CNNM4: variants seen among roughly 807,000 people sequenced by gnomAD.
CNNM4 encodes metal transporter CNNM4.
CNNM4 carries 32 observed loss-of-function variants against 53.7 expected under a neutral mutation model. That is an observed-to-expected ratio of 0.60 (90% CI 0.45 to 0.80). The LOEUF (loss-of-function observed/expected upper bound fraction) is 0.80, where lower values mean the gene tolerates loss of function less well. Among genes scored for constraint, CNNM4 ranks in the 30% least tolerant of loss-of-function variants. CNNM4 has a pLI of 0.00. For missense variants in CNNM4, 784 were observed against 1,022.0 expected, an observed-to-expected ratio of 0.77 and a Z score of 3.17; for synonymous variants, 410 against 440.0, an observed-to-expected ratio of 0.93 and a Z score of 0.85.
At chr2:96,790,840 C>T (rs1156919356) in intron 1 of CNNM4, among the ~76,000 whole-genome samples, 3 of 151,650 alleles carry the variant, frequency 2.0e-5, no homozygotes, top group African/African-American at 7.3e-5. Context: ...AAAAATCCAG[C>T]TGGGCACAGT....
chr2:96,796,648 C>G (rs1269239911), intron 1 of CNNM4, among the ~76,000 whole-genome samples: 1 of 152,074 alleles, frequency 6.6e-6, no homozygotes, highest in East Asian at 1.9e-4. Context: ...GTGGTCTCAG[C>G]TACTCGGGAG....
chr2:96,807,383 G>A (rs2079218899), intron 5 of CNNM4, among the ~76,000 whole-genome samples: 1 of 152,060 alleles, frequency 6.6e-6, no homozygotes, highest in Non-Finnish European at 1.5e-5. Flanking sequence ...AGCACTTTGC[G>A]AGGTTGAGGC....
chr2:96,800,220 G>A lies in CNNM4; in HGVS notation c.1948+572G>A, dbSNP rs1483262102. Among the ~76,000 whole-genome samples, 3 of 151,986 alleles carry A rather than the reference G, an allele frequency of 2.0e-5. No individual in the cohort carries two copies. Among genetic ancestry groups the A allele is most frequent in the Non-Finnish European group, 2.9e-5 (2 of 67,972 alleles). On this transcript the variant is annotated intron_variant, in intron 5 of 6. Transcript: ENST00000377075. This position sits in a 1 kb window ranked among gnomAD's most constrained non-coding sequence, Gnocchi z 4.6. ...GGTCCGGGGATGCGCCACTCTGGCC[G>A]CCCCAGTGCCCTCTCCTGTGCTGAG...
intron 5 of CNNM4, among the ~76,000 whole-genome samples, 190 bp downstream of exon 5, chr2:96,799,838 T>C (rs1053675397): frequency 2.0e-5 from 3 of 152,020 alleles, no homozygotes; most frequent in Non-Finnish European, 4.4e-5. Flanking sequence ...GCTGCCACTT[T>C]GGATGGGGTC....
In CNNM4 at chr2:96,808,408, G is replaced by A. The variant is rs1181444586; in HGVS notation, c.1949-153G>A. ...CTTTAACGAAGTCAGACCTTATGCA[G>A]TCAGACCTTCTACATGCTTCTGTTT... On this transcript the variant is annotated intron_variant, in intron 5 of 6. Coordinates refer to ENST00000377075, the MANE Select transcript of CNNM4 (RefSeq NM_020184.4). The surrounding 1 kb of genome is among the most constrained non-coding windows in gnomAD (Gnocchi z 4.9). Among the ~76,000 whole-genome samples the A allele has an allele frequency of 1.3e-5, 2 of 152,210 alleles. No individual in the cohort carries two copies. The highest frequency in any genetic ancestry group is 2.9e-5 in the Non-Finnish European group (2 of 68,046).
At chr2:96,805,452 TA>T (rs1558997475) in intron 5 of CNNM4, among the ~76,000 whole-genome samples, 1 of 138,420 alleles carries the variant, frequency 7.2e-6, no homozygotes, top group Admixed American at 7.2e-5. Flanking sequence ...TATTTTTTTT[TA>T]AATTTATTTT....
At chr2:96,796,227 C>T (rs538349242) in intron 1 of CNNM4, among the ~76,000 whole-genome samples, 1 of 146,716 alleles carries the variant, frequency 6.8e-6, no homozygotes, top group Admixed American at 7.0e-5. Context: ...TCACTGCAAC[C>T]TCTGCCTCCC....
At chr2:96,772,031 G>T (rs1478183728) in intron 1 of CNNM4, among the ~76,000 whole-genome samples, 2 of 152,060 alleles carry the variant, frequency 1.3e-5, no homozygotes, top group Non-Finnish European at 2.9e-5. Context: ...GAAGGGGTAG[G>T]GTTGTTGCAG....
At chr2:96,789,865 G>A (rs2079045200) in intron 1 of CNNM4, among the ~76,000 whole-genome samples, 1 of 149,974 alleles carries the variant, frequency 6.7e-6, no homozygotes, top group African/African-American at 2.5e-5. Context: ...GCTAATTTTT[G>A]TATTTTTAGT....
At chr2:96,763,465 G>A (rs192171519) in intron 1 of CNNM4, among the ~76,000 whole-genome samples, 2 of 152,190 alleles carry the variant, frequency 1.3e-5, no homozygotes, top group African/African-American at 4.8e-5. Flanking sequence ...TAAAGGAATG[G>A]GGGTGAGGGG....
intron 1 of CNNM4, among the ~76,000 whole-genome samples, chr2:96,771,724 A>G (rs1054902269): frequency 6.6e-6 from 1 of 152,082 alleles, no homozygotes. Context: ...AAAAAAAAAA[A>G]AAAGAAAGAA....
intron 1 of CNNM4, among the ~76,000 whole-genome samples, chr2:96,788,166 G>T (rs182282141): frequency 7.0e-4 from 106 of 151,912 alleles, no homozygotes; most frequent in African/African-American, 2.4e-3. Flanking sequence ...CAAGTGATCC[G>T]CCCATTTTGG....
chr2:96,803,421 A>G (rs767893198), intron 5 of CNNM4, among the ~76,000 whole-genome samples: 2 of 152,224 alleles, frequency 1.3e-5, no homozygotes, highest in African/African-American at 2.4e-5. Context: ...CAATGAAATT[A>G]CCAGGTCAAA....
chr2:96,772,609 G>GCACACA (rs2078887115), intron 1 of CNNM4, among the ~76,000 whole-genome samples: 5 of 116,504 alleles, frequency 4.3e-5, no homozygotes, highest in African/African-American at 1.0e-4. Flanking sequence ...TCACACATGC[G>GCACACA]CACACACACT....
intron 5 of CNNM4, among the ~76,000 whole-genome samples, chr2:96,806,158 G>A (rs938889294): frequency 1.3e-5 from 2 of 151,808 alleles, no homozygotes; most frequent in African/African-American, 4.8e-5. Flanking sequence ...CCCGGACGGG[G>A]CGGCTGGCCG....
At chr2:96,791,337 T>G (rs1301904035) in intron 1 of CNNM4, among the ~76,000 whole-genome samples, 1 of 151,284 alleles carries the variant, frequency 6.6e-6, no homozygotes, top group Non-Finnish European at 1.5e-5. Context: ...GATTAGATTT[T>G]GGGGGTGGCA....
At position 96,777,167 on chromosome 2, in the gene CNNM4, C is replaced by T. The variant is rs959039503; in HGVS notation, c.1402+14766C>T. 7.9e-5 allele frequency among the ~76,000 whole-genome samples: 12 copies of T among 151,626 alleles called. No individual in the cohort carries two copies. The South Asian group carries it at 8.4e-4, about 11-fold the overall frequency. On this transcript the variant is annotated intron_variant, in intron 1 of 6. Transcript: ENST00000377075. ...TCCCGAGTAGCTGGGACTACAGGAGCGCGCCACCACACCCAGCTAATGTTT... is the reference window on the plus strand; with the variant it reads ...TCCCGAGTAGCTGGGACTACAGGAGTGCGCCACCACACCCAGCTAATGTTT...
chr2:96,765,887 G>T (rs1169291099), intron 1 of CNNM4, among the ~76,000 whole-genome samples: 1 of 139,208 alleles, frequency 7.2e-6, no homozygotes, highest in Non-Finnish European at 1.5e-5. Flanking sequence ...CTCCACCTCC[G>T]ATTCTCCTGT....
At chr2:96,791,635 A>G (rs2079063302) in intron 1 of CNNM4, among the ~76,000 whole-genome samples, 1 of 152,012 alleles carries the variant, frequency 6.6e-6, no homozygotes, top group Non-Finnish European at 1.5e-5. Flanking sequence ...CAATACATCT[A>G]CAGCTAAAAA....
Sources: allele counts gnomAD v4.1 joint callset (sites outside exome capture counted in the v4.1 genomes callset), GRCh38; gene constraint gnomAD v4.1.1; non-coding constraint Gnocchi (gnomAD v3.1); transcripts MANE v1.5; gene names NCBI Gene and HGNC (gene_info 2026-07-23, HGNC 2026-07-21).